Variants in PRKCB observed in about 807,000 individuals in gnomAD.
PRKCB encodes protein kinase C beta.
Under a neutral mutation model 81.5 loss-of-function variants are expected in PRKCB, and 13 were observed. The observed-to-expected ratio is 0.16, with a 90% CI of 0.10 to 0.25. PRKCB has a LOEUF of 0.25. Among genes scored for constraint, PRKCB ranks in the 10% least tolerant of loss-of-function variants. The probability of loss-of-function intolerance (pLI) is 1.00; values close to 1 mark genes in which losing one functional copy is unlikely to be tolerated. For synonymous variants in PRKCB, 335 were observed against 321.4 expected, an observed-to-expected ratio of 1.04 and a Z score of -0.45; for missense variants, 509 against 875.7, an observed-to-expected ratio of 0.58 and a Z score of 5.29.
intron 3 of PRKCB, among the ~76,000 whole-genome samples, chr16:24,019,538 C>A (rs1173742046): frequency 6.6e-6 from 1 of 152,054 alleles, no homozygotes; most frequent in Non-Finnish European, 1.5e-5. Context: ...CCGAAGCAGG[C>A]GGACCACTTG....
At chr16:23,988,005 A>AT (rs1458441811) in intron 2 of PRKCB, among the ~76,000 whole-genome samples, 1 of 152,160 alleles carries the variant, frequency 6.6e-6, no homozygotes, top group Non-Finnish European at 1.5e-5. Flanking sequence ...CTTCTATTAG[A>AT]TTGACGTTGC....
chr16:24,218,856 G>T lies in PRKCB; in HGVS notation c.*4040G>T, dbSNP rs1031635592. On this transcript the variant is annotated 3_prime_UTR_variant, in exon 17 of 17. Coordinates refer to ENST00000643927, the MANE Select transcript of PRKCB (RefSeq NM_002738.7). Reference sequence around the variant, plus strand: ...TTGTCTTGTAATAAAACAGCCATGGGGTTGTCCCTCCAGTCCGAGAGACTG... The same window carrying T: ...TTGTCTTGTAATAAAACAGCCATGGTGTTGTCCCTCCAGTCCGAGAGACTG... 4.1e-6 allele frequency: 4 copies of T among 985,426 alleles called. No homozygotes were observed. Among genetic ancestry groups the T allele is most frequent in the Non-Finnish European group, 4.8e-6 (4 of 829,948 alleles). 61.0% of individuals were successfully genotyped at this position (985,426 alleles called of 1,614,324 possible).
intron 3 of PRKCB, among the ~76,000 whole-genome samples, chr16:24,022,719 T>A (rs1965422235): frequency 6.6e-6 from 1 of 152,232 alleles, no homozygotes; most frequent in Non-Finnish European, 1.5e-5. Context: ...GGTCTCGATC[T>A]CCTGACCTCG....
chr16:24,162,812 T>C (rs953401501), intron 10 of PRKCB, among the ~76,000 whole-genome samples: 5 of 152,150 alleles, frequency 3.3e-5, no homozygotes, highest in African/African-American at 9.7e-5. Flanking sequence ...ATTCAGGTGA[T>C]GGGTGCCCTA....
Position 24,151,576 on chromosome 16 carries a change from C to T in PRKCB, c.1066-3108C>T, listed in dbSNP as rs921069995. 26 of 315,516 alleles carry T rather than the reference C, an allele frequency of 8.2e-5. No homozygotes were observed. In the Admixed American group the frequency reaches 1.0e-3, roughly 12 times the overall value. 19.5% of individuals were successfully genotyped at this position (315,516 alleles called of 1,614,324 possible). A position where few individuals can be genotyped will look rare whatever the true frequency, so the allele number is the denominator to read the frequency against. ...CAGAGGAGGTAGTGGCCGATTTGGT[C>T]TGAATGGAACCTCCAGATTAGAGGA... is the stretch of plus-strand genomic sequence containing the variant. On this transcript the variant is annotated intron_variant, in intron 9 of 16. Transcript: ENST00000643927.
chr16:24,032,848 T>A lies in PRKCB; in HGVS notation c.400+601T>A, dbSNP rs199637349. Among the ~76,000 whole-genome samples, 31 of 152,334 alleles carry A rather than the reference T, an allele frequency of 2.0e-4. No homozygotes were observed. In the East Asian group the frequency reaches 5.6e-3, roughly 27 times the overall value. ...TGTGGGAAGGGGCAGTCCATGGCTG[T>A]TGACACCCAGAGGCATGAACAAATC... On this transcript the variant is annotated intron_variant, in intron 4 of 16. Transcript: ENST00000643927.
At chr16:23,876,836 G>C (rs1216428495) in intron 2 of PRKCB, among the ~76,000 whole-genome samples, 1 of 152,192 alleles carries the variant, frequency 6.6e-6, no homozygotes, top group East Asian at 1.9e-4. Context: ...GTTAACACTG[G>C]AATTTTCTTT....
intron 3 of PRKCB, among the ~76,000 whole-genome samples, chr16:24,005,463 T>C (rs1313054234): frequency 1.8e-4 from 27 of 152,178 alleles, no homozygotes; most frequent in Admixed American, 1.8e-3. Flanking sequence ...CCACCTCTAG[T>C]GCAGACTCAG....
intron 5 of PRKCB, among the ~76,000 whole-genome samples, chr16:24,053,212 A>T (rs1004550795): frequency 2.6e-5 from 4 of 152,242 alleles, no homozygotes; most frequent in Non-Finnish European, 5.9e-5. Context: ...CATCTTCTGC[A>T]TGTCAGGCAT....
intron 5 of PRKCB, among the ~76,000 whole-genome samples, chr16:24,069,594 T>C (rs1266171094): frequency 6.6e-6 from 1 of 152,052 alleles, no homozygotes; most frequent in African/African-American, 2.4e-5. Context: ...TTTTAAGAAG[T>C]AGTCAGGCAT....
intron 9 of PRKCB, among the ~76,000 whole-genome samples, chr16:24,129,524 TATCTATC>T (rs1966850045): frequency 2.3e-5 from 2 of 88,698 alleles, no homozygotes; most frequent in African/African-American, 8.6e-5. Flanking sequence ...CACGTGCATC[TATCTATC>T]TATCTATCTA....
rs75773313 is a variant in PRKCB at position 23,993,636 on chromosome 16, C to G, written c.288+5046C>G. ...GATCCCTCTTCTCTATAGACCAAAC[C>G]TTACTATGGGAACCACAGCCACTTA... is the stretch of plus-strand genomic sequence containing the variant. On this transcript the variant is annotated intron_variant, in intron 3 of 16. Transcript: ENST00000643927. Among the ~76,000 whole-genome samples, 971 of 152,302 alleles carry G rather than the reference C, an allele frequency of 6.4e-3. 26 individuals carry two copies. The East Asian group carries it at 0.096, about 15-fold the overall frequency.
At chr16:23,990,347 C>A (rs1481622072) in intron 3 of PRKCB, among the ~76,000 whole-genome samples, 4 of 151,748 alleles carry the variant, frequency 2.6e-5, no homozygotes, top group Non-Finnish European at 5.9e-5. Flanking sequence ...AGTCCTAGCT[C>A]CTTGGGAGGC....
chr16:23,928,260 G>T (rs868615307), intron 2 of PRKCB, among the ~76,000 whole-genome samples: 15 of 151,860 alleles, frequency 9.9e-5, no homozygotes, highest in Middle Eastern at 3.2e-3. Context: ...TGAGTAGCTG[G>T]GATTATAGAT....
Position 24,212,567 on chromosome 16 carries a change from C to T in PRKCB, c.1864-2091C>T, listed in dbSNP as rs1968160574. ...TCCCTGCTCACTGCAACCTCTACCT[C>T]GCTGGCTCAAGCAATTCTCTCACCT... is the stretch of plus-strand genomic sequence containing the variant. On this transcript the variant is annotated intron_variant, in intron 16 of 16. Transcript: ENST00000643927. 2.0e-5 allele frequency among the ~76,000 whole-genome samples: 3 copies of T among 148,766 alleles called. No individual in the cohort carries two copies. The South Asian group carries it at 6.4e-4, about 32-fold the overall frequency.
At chr16:24,027,144 A>C (rs1264659834) in intron 3 of PRKCB, among the ~76,000 whole-genome samples, 2 of 152,018 alleles carry the variant, frequency 1.3e-5, no homozygotes, top group African/African-American at 4.8e-5. Flanking sequence ...TGCCTCCCCT[A>C]GTCCCCCACC....
chr16:23,879,045 G>C (rs187591799), intron 2 of PRKCB, among the ~76,000 whole-genome samples: 235 of 152,260 alleles, frequency 1.5e-3, no homozygotes, highest in Non-Finnish European at 1.9e-3. Context: ...GGGCGTGGTG[G>C]CACGCGCCTG....
chr16:23,956,709 T>C lies in PRKCB; in HGVS notation c.206-31799T>C, dbSNP rs370764811. Among the ~76,000 whole-genome samples, 332 of 152,292 alleles carry C rather than the reference T, an allele frequency of 2.2e-3. 3 individuals are homozygous for C. The highest frequency in any genetic ancestry group is 7.6e-3 in the African/African-American group (315 of 41,568). On this transcript the variant is annotated intron_variant, in intron 2 of 16. Transcript: ENST00000643927. Reference sequence around the variant, plus strand: ...AGAAAATGTCTTTTAGAAGATAAAATACCTATTGTTAAGCCATGAAACACA... The same window carrying C: ...AGAAAATGTCTTTTAGAAGATAAAACACCTATTGTTAAGCCATGAAACACA...
intron 2 of PRKCB, among the ~76,000 whole-genome samples, chr16:23,865,479 A>ATC (rs1962759339): frequency 6.5e-4 from 2 of 3,066 alleles, no homozygotes; most frequent in African/African-American, 4.9e-3. Context: ...ATATATATAT[A>ATC]TATATATATA....
Sources: allele counts gnomAD v4.1 joint callset (sites outside exome capture counted in the v4.1 genomes callset), GRCh38; gene constraint gnomAD v4.1.1; transcripts MANE v1.5; gene names NCBI Gene and HGNC (gene_info 2026-07-23, HGNC 2026-07-21).